The following ROBO2 variants were observed in gnomAD, a reference collection of about 807,000 sequenced individuals.
ROBO2 encodes the protein roundabout guidance receptor 2, also known as roundabout homolog 2.
ROBO2 carries 53 observed loss-of-function variants against 160.8 expected under a neutral mutation model. That is an observed-to-expected ratio of 0.33 (90% CI 0.26 to 0.41). The LOEUF is 0.41. Among genes scored for constraint, ROBO2 ranks in the 10% least tolerant of loss-of-function variants. The probability of loss-of-function intolerance (pLI) is 1.00; values close to 1 mark genes in which losing one functional copy is unlikely to be tolerated. For synonymous variants in ROBO2, 664 were observed against 611.7 expected (o/e 1.09, Z -1.26); for missense variants, 1,577 against 1,722.4 (o/e 0.92, Z 1.49).
At chr3:76,895,588 T>G (rs1388791787) in intron 2 of ROBO2, among the ~76,000 whole-genome samples, 1 of 152,156 alleles carries the variant, frequency 6.6e-6, no homozygotes, top group South Asian at 2.1e-4. Context: ...AATAGCTTTG[T>G]AAACAGTAGT....
intron 7 of ROBO2, among the ~76,000 whole-genome samples, chr3:77,547,948 TACAC>T: frequency 6.6e-6 from 1 of 151,548 alleles, no homozygotes; most frequent in South Asian, 2.1e-4. Context: ...ATTAAACACA[TACAC>T]ACACACTTAG....
chr3:77,104,604 A>G (rs1361008329), intron 2 of ROBO2, among the ~76,000 whole-genome samples: 2 of 152,108 alleles, frequency 1.3e-5, no homozygotes, highest in Non-Finnish European at 2.9e-5. Context: ...TAAGAGTAGA[A>G]TTGTCGAGTC....
intron 2 of ROBO2, among the ~76,000 whole-genome samples, chr3:76,034,138 C>T (rs2067019898): frequency 6.6e-6 from 1 of 152,136 alleles, no homozygotes; most frequent in African/African-American, 2.4e-5. Flanking sequence ...TAGCACTCTG[C>T]TTTCATGGGT....
intron 2 of ROBO2, among the ~76,000 whole-genome samples, chr3:77,180,402 C>T (rs1560176395): frequency 9.4e-6 from 1 of 106,088 alleles, no homozygotes; most frequent in Non-Finnish European, 2.1e-5. Flanking sequence ...CTCTCTCTCT[C>T]TCTCTCTCTC....
rs193072154 is a variant in ROBO2 at position 76,449,348 on chromosome 3, C to T, written c.109+511746C>T. Among the ~76,000 whole-genome samples the T allele has an allele frequency of 6.6e-5, 10 of 152,174 alleles. No homozygotes were observed. The South Asian group carries it at 1.0e-3, about 16-fold the overall frequency. On this transcript the variant is annotated intron_variant, in intron 2 of 26. Coordinates refer to the ROBO2 transcript ENST00000487694. ...GGAGACTAGACCATTTTACATACTC[C>T]ACTGTGTAGAACACTAGAATAGATT...
At chr3:77,278,391 G>A (rs1461817142) in intron 2 of ROBO2, among the ~76,000 whole-genome samples, 3 of 152,044 alleles carry the variant, frequency 2.0e-5, no homozygotes, top group African/African-American at 4.8e-5. Context: ...GCATATTTAG[G>A]GGTTATGTCC....
At chr3:77,051,254 AG>A (rs1277734116) in intron 1 of ROBO2, among the ~76,000 whole-genome samples, 1 of 152,176 alleles carries the variant, frequency 6.6e-6, no homozygotes, top group African/African-American at 2.4e-5. Flanking sequence ...TTAATACTAA[AG>A]TGAAAGAAAA....
intron 2 of ROBO2, among the ~76,000 whole-genome samples, chr3:76,389,944 C>T (rs2077068052): frequency 1.3e-5 from 2 of 152,090 alleles, no homozygotes; most frequent in Non-Finnish European, 2.9e-5. Context: ...TTATTGTTTT[C>T]AGTAGTCTAC....
chr3:77,337,733 C>T (rs2066634620), intron 2 of ROBO2, among the ~76,000 whole-genome samples: 1 of 152,112 alleles, frequency 6.6e-6, no homozygotes, highest in Non-Finnish European at 1.5e-5. Context: ...ACATAAACAT[C>T]CCCTAATCTT....
At position 76,572,367 on chromosome 3, in the gene ROBO2, C is replaced by T. The variant is rs368696255; in HGVS notation, c.110-525647C>T. On this transcript the variant is annotated intron_variant, in intron 2 of 26. Transcript: ENST00000487694. ...TGCCTGAGGTAGGGTGGTTGTTTTTCTCTTCCTTTTTTGTTTTTGTCTTTG... is the reference window on the plus strand; with the variant it reads ...TGCCTGAGGTAGGGTGGTTGTTTTTTTCTTCCTTTTTTGTTTTTGTCTTTG... 2.7e-4 allele frequency among the ~76,000 whole-genome samples: 41 copies of T among 152,170 alleles called. 2 individuals carry two copies. In the South Asian group the frequency reaches 2.7e-3, roughly 10 times the overall value.
chr3:76,049,403 A>ATATATATATATTTTTTT (rs1414664360), intron 2 of ROBO2, among the ~76,000 whole-genome samples: 3 of 53,760 alleles, frequency 5.6e-5, no homozygotes, highest in African/African-American at 4.4e-4. Flanking sequence ...ATATATATAT[A>ATATATATATATTTTTTT]TTTTTTTTTT....
intron 2 of ROBO2, among the ~76,000 whole-genome samples, chr3:76,430,500 AT>A (rs962618267): frequency 2.0e-5 from 3 of 151,678 alleles, no homozygotes; most frequent in East Asian, 1.9e-4. Context: ...ATTTTCTTCT[AT>A]TTTTTTAAAG....
intron 2 of ROBO2, among the ~76,000 whole-genome samples, chr3:76,414,235 A>G (rs2075643546): frequency 6.6e-6 from 1 of 152,194 alleles, no homozygotes; most frequent in Non-Finnish European, 1.5e-5. Context: ...AAAGCATATC[A>G]TGCCTATTTT....
chr3:75,972,766 C>G (rs1027113824), intron 2 of ROBO2, among the ~76,000 whole-genome samples: 1 of 151,592 alleles, frequency 6.6e-6, no homozygotes, highest in Non-Finnish European at 1.5e-5. Flanking sequence ...TCTTTTGCAA[C>G]ATGTCCTCTG....
chr3:77,022,174 C>T (rs557520414), intron 2 of ROBO2, among the ~76,000 whole-genome samples: 26 of 152,164 alleles, frequency 1.7e-4, no homozygotes, highest in Non-Finnish European at 3.2e-4. Context: ...GTTTGAGACC[C>T]GCCTGGCCAA....
intron 2 of ROBO2, among the ~76,000 whole-genome samples, chr3:76,637,625 T>G (rs771575985): frequency 3.3e-5 from 5 of 152,152 alleles, no homozygotes; most frequent in Non-Finnish European, 5.9e-5. Context: ...AACAGACTGC[T>G]CTTCCGGGCA....
At chr3:77,266,655 T>A (rs2059144648) in intron 2 of ROBO2, among the ~76,000 whole-genome samples, 1 of 152,160 alleles carries the variant, frequency 6.6e-6, no homozygotes. Flanking sequence ...TCTGTATAAA[T>A]CCCTGATCTA....
intron 1 of ROBO2, among the ~76,000 whole-genome samples, chr3:75,912,018 T>C (rs188530045): frequency 7.5e-4 from 114 of 152,346 alleles, no homozygotes; most frequent in Admixed American, 3.6e-3. Flanking sequence ...TATGGAGATA[T>C]CCCACATATT....
In ROBO2 at chr3:76,493,530, T is replaced by G. The variant is rs2079968380; in HGVS notation, c.109+555928T>G. On this transcript the variant is annotated intron_variant, in intron 2 of 26. Coordinates refer to the ROBO2 transcript ENST00000487694. ...AATTTTTTTGGAAAAGTTCATTCTC[T>G]TCCACTAAAATATTAAAACATATTA... 8.6e-5 allele frequency among the ~76,000 whole-genome samples: 13 copies of G among 152,016 alleles called. No individual in the cohort carries two copies. The South Asian group carries it at 2.7e-3, about 32-fold the overall frequency.
Sources: gnomAD v4.1 joint callset for allele counts (sites outside exome capture counted in the v4.1 genomes callset) on GRCh38, gnomAD v4.1.1 for gene constraint, MANE v1.5 for transcripts, NCBI Gene and HGNC (gene_info 2026-07-23, HGNC 2026-07-21) for gene names.